DCAF10: variants seen among roughly 807,000 people sequenced by gnomAD.
DCAF10 encodes DDB1- and CUL4-associated factor 10.
In DCAF10, 19 loss-of-function variants were observed where a neutral mutation model predicts 51.9. The observed-to-expected ratio is 0.37, with a 90% CI of 0.26 to 0.54. DCAF10 has a LOEUF of 0.54. DCAF10 is among the 20% of genes least tolerant of loss of function. The pLI is 0.87. For synonymous variants in DCAF10, 291 were observed against 297.1 expected (o/e 0.98, Z 0.21); for missense variants, 510 against 730.6 (o/e 0.70, Z 3.48).
In DCAF10 at chr9:37,854,794, G is replaced by T. The variant is rs755059582; in HGVS notation, c.866G>T (p.Gly289Val). 1 of 1,613,860 alleles carries T rather than the reference G, an allele frequency of 6.2e-7. No individual in the cohort carries two copies. The highest frequency in any genetic ancestry group is 8.5e-7 in the Non-Finnish European group (1 of 1,179,930). The change falls in exon 4 of 7, where the codon GGG becomes GTG. Residue 289 changes from glycine (G) to valine (V), a missense_variant. Around this residue, in one of 4 missense-constraint regions of DCAF10, gnomAD observed 126 missense variants for 271.5 expected, o/e 0.46. Coordinates refer to ENST00000377724, the MANE Select transcript of DCAF10 (RefSeq NM_024345.5). ...TTCTCCTGTAGGTATACAGAAGATG[G>T]GTGTCCACATAAGAAATTCTTTCAC... ...IWDTNRYTED[G>V]CPHKKFFHTR...
chr9:37,831,896 C>T (rs186882583), intron 2 of DCAF10, among the ~76,000 whole-genome samples: 60 of 151,478 alleles, frequency 4.0e-4, no homozygotes, highest in Middle Eastern at 3.4e-3. Flanking sequence ...TGTAGTGACC[C>T]GAGATTGTGC....
intron 2 of DCAF10, among the ~76,000 whole-genome samples, chr9:37,837,535 A>G (rs116497212): frequency 3.2e-4 from 48 of 152,088 alleles, no homozygotes; most frequent in African/African-American, 1.1e-3. Context: ...TCTCATTGAT[A>G]AGCCCTCTTT....
chr9:37,816,930 A>C (rs73649218), intron 1 of DCAF10, among the ~76,000 whole-genome samples: 1,869 of 152,312 alleles, frequency 0.012, 33 homozygotes, highest in African/African-American at 0.043. Context: ...ATTTACTTGA[A>C]GAGAAAGCAT....
At chr9:37,803,759 AATATG>A (rs922193707) in intron 1 of DCAF10, among the ~76,000 whole-genome samples, 2 of 150,628 alleles carry the variant, frequency 1.3e-5, no homozygotes, top group Admixed American at 6.7e-5. Flanking sequence ...CTTTCAGTTA[AATATG>A]AGTTAAATCA....
intron 3 of DCAF10, among the ~76,000 whole-genome samples, chr9:37,842,734 T>C (rs188106537): frequency 5.3e-5 from 8 of 152,282 alleles, no homozygotes; most frequent in African/African-American, 1.7e-4. Context: ...GCAATTTTGG[T>C]TGTCACTATG....
intron 3 of DCAF10, among the ~76,000 whole-genome samples, chr9:37,842,812 C>T (rs946866025): frequency 1.3e-5 from 2 of 152,204 alleles, no homozygotes; most frequent in Non-Finnish European, 2.9e-5. Flanking sequence ...CTGCAGTACA[C>T]AGGTCAGTGT....
intron 1 of DCAF10, among the ~76,000 whole-genome samples, chr9:37,818,723 T>C (rs28604978): frequency 0.043 from 6,599 of 152,274 alleles, 485 homozygotes; most frequent in African/African-American, 0.15. Context: ...TGGTTGTATA[T>C]GAATTTCCCG....
rs1057155984 is a variant in DCAF10 at position 37,863,864 on chromosome 9, A to G, written c.*2356A>G. On this transcript the variant is annotated 3_prime_UTR_variant, in exon 7 of 7. Transcript: ENST00000377724. ...TTATAAGGATCTTGGCTCTAGAACA[A>G]ATTTTTGAAATTAGATCATTTTACC... The G allele has an allele frequency of 1.3e-5, 2 of 152,228 alleles. No homozygotes were observed. Among genetic ancestry groups the G allele is most frequent in the Non-Finnish European group, 2.9e-5 (2 of 68,046 alleles). The allele number at this position is 152,228 out of a possible 1,614,324, so 9.4% of individuals were successfully genotyped here. A position where few individuals can be genotyped will look rare whatever the true frequency, so the allele number is the denominator to read the frequency against.
At chr9:37,850,829 TATATA>T (rs1830615925) in intron 3 of DCAF10, among the ~76,000 whole-genome samples, 718 of 67,862 alleles carry the variant, frequency 0.011, 24 homozygotes, top group Middle Eastern at 0.016. Flanking sequence ...ATATATTTTA[TATATA>T]TATATATATA....
chr9:37,831,810 G>T (rs930810873), intron 2 of DCAF10, among the ~76,000 whole-genome samples: 1 of 152,108 alleles, frequency 6.6e-6, no homozygotes, highest in Non-Finnish European at 1.5e-5. Flanking sequence ...TTAGCTGGGC[G>T]TGGTGGCCGG....
At chr9:37,800,581 T>G, upstream of DCAF10, 1 of 1,536,050 alleles carries the variant, frequency 6.5e-7, no homozygotes, top group Non-Finnish European at 8.7e-7. Flanking sequence ...CGGCCACCGG[T>G]CACTGACAAC....
chr9:37,814,189 A>C (rs981726928), intron 1 of DCAF10, among the ~76,000 whole-genome samples: 35 of 136,930 alleles, frequency 2.6e-4, no homozygotes, highest in Non-Finnish European at 9.2e-5. Flanking sequence ...CCCAGGCTGG[A>C]GTGCAATGGC....
intron 2 of DCAF10, among the ~76,000 whole-genome samples, chr9:37,821,333 G>A (rs182794380): frequency 1.3e-5 from 2 of 152,224 alleles, no homozygotes; most frequent in Admixed American, 1.3e-4. Flanking sequence ...AGGATGCTCA[G>A]AGAAATAAAT....
intron 2 of DCAF10, among the ~76,000 whole-genome samples, chr9:37,821,082 T>C (rs1829686505): frequency 8.0e-6 from 1 of 125,218 alleles, no homozygotes; most frequent in East Asian, 2.0e-4. Context: ...AATTGTTGCA[T>C]ATACAAACAT....
At chr9:37,855,918 A>T (rs1419348332) in intron 4 of DCAF10, among the ~76,000 whole-genome samples, 1 of 152,174 alleles carries the variant, frequency 6.6e-6, no homozygotes, top group African/African-American at 2.4e-5. Context: ...TGAGAGACTG[A>T]GGTGAGCAGA....
chr9:37,801,075 A>C lies in DCAF10; in HGVS notation c.209A>C (p.Glu70Ala). ...PSLSPAPRSGELGLPGAPESS... is the reference protein window; with the variant it reads ...PSLSPAPRSGALGLPGAPESS... ...CTGTCCCCGGCCCCGCGCTCCGGAG[A>C]GCTAGGGCTGCCTGGAGCTCCGGAG... The change falls in exon 1 of 7, where the codon GAG becomes GCG. Residue 70 changes from glutamate (E) to alanine (A), a missense_variant. This residue lies in a region of DCAF10 where 251 missense variants were observed against 227.9 expected (regional missense o/e 1.10). Coordinates refer to ENST00000377724, the MANE Select transcript of DCAF10 (RefSeq NM_024345.5). This position sits in a 1 kb window ranked among gnomAD's most constrained non-coding sequence, Gnocchi z 5.5. The C allele has an allele frequency of 6.5e-7, 1 of 1,533,052 alleles. No homozygotes were observed. The highest frequency in any genetic ancestry group is 8.7e-7 in the Non-Finnish European group (1 of 1,147,046). The allele number at this position is 1,533,052 out of a possible 1,614,324, so 95.0% of individuals were successfully genotyped here. A position where few individuals can be genotyped will look rare whatever the true frequency, so the allele number is the denominator to read the frequency against.
chr9:37,831,338 G>A (rs1039150035), intron 2 of DCAF10, among the ~76,000 whole-genome samples: 2 of 152,156 alleles, frequency 1.3e-5, no homozygotes, highest in Admixed American at 1.3e-4. Flanking sequence ...CAAACCTTCT[G>A]TGAAGCACTT....
rs942116184 is a variant in DCAF10 at position 37,800,797 on chromosome 9, A to T, written c.-70A>T. 1.2e-5 allele frequency: 18 copies of T among 1,513,228 alleles called. No homozygotes were observed. The highest frequency in any genetic ancestry group is 1.6e-5 in the Non-Finnish European group (18 of 1,135,504). 93.7% of individuals were successfully genotyped at this position (1,513,228 alleles called of 1,614,324 possible). A position where few individuals can be genotyped will look rare whatever the true frequency, so the allele number is the denominator to read the frequency against. On this transcript the variant is annotated 5_prime_UTR_variant, in exon 1 of 7. Transcript: ENST00000377724. ...TAGGCCGCTGCACGCCGGAAGTGGC[A>T]GCTGAACAGGGGCACTGAGGTGTCG...
intron 2 of DCAF10, among the ~76,000 whole-genome samples, chr9:37,827,550 A>C (rs538023917): frequency 1.3e-5 from 2 of 152,114 alleles, no homozygotes; most frequent in Admixed American, 6.5e-5. Flanking sequence ...ATATATTTCT[A>C]ATATGTAGTT....
Sources: allele counts gnomAD v4.1 joint callset (sites outside exome capture counted in the v4.1 genomes callset), GRCh38; gene constraint gnomAD v4.1.1; regional missense constraint gnomAD v4.1.1; non-coding constraint Gnocchi (gnomAD v3.1); transcripts MANE v1.5; gene names NCBI Gene and HGNC (gene_info 2026-07-23, HGNC 2026-07-21).